Variants in GOLGA3 observed in about 807,000 individuals in gnomAD.
GOLGA3 encodes the protein golgin A3.
A neutral mutation model predicts 169.4 loss-of-function variants in GOLGA3; 75 were observed. The observed-to-expected ratio is 0.44, with a 90% CI of 0.37 to 0.54. The LOEUF is 0.54. GOLGA3 is among the 20% of genes least tolerant of loss of function. The pLI is 0.00. For missense variants in GOLGA3, 1,899 were observed against 1,930.0 expected, an observed-to-expected ratio of 0.98 and a Z score of 0.30; for synonymous variants, 824 against 822.4, an observed-to-expected ratio of 1.00 and a Z score of -0.03.
At chr12:132,822,409 G>A (rs912857920) in intron 1 of GOLGA3, 98 bp from the exon 2 acceptor site, 7 of 637,064 alleles carry the variant, frequency 1.1e-5, no homozygotes, top group Admixed American at 8.4e-5. Flanking sequence ...ATACGTACAA[G>A]AAACAAATAC....
intron 11 of GOLGA3, among the ~76,000 whole-genome samples, chr12:132,794,197 G>T (rs1200257628): frequency 1.3e-5 from 2 of 152,134 alleles, no homozygotes; most frequent in Non-Finnish European, 2.9e-5. Flanking sequence ...CGTGGATACT[G>T]CTGTGTCTAG....
rs202126460 is a variant in GOLGA3 at position 132,782,521 on chromosome 12, T to C, written c.3268-28A>G. 3.9e-6 allele frequency: 6 copies of C among 1,547,636 alleles called. No individual in the cohort carries two copies. The East Asian group carries it at 1.1e-4, about 29-fold the overall frequency. On this transcript the variant is annotated intron_variant, in intron 16 of 23. Transcript: ENST00000450791. Reference sequence around the variant, plus strand: ...GAAACATACCAATGTCACTGTAAAATTACCTGCACTGGTGAGTGGAGTTCA... The same window carrying C: ...GAAACATACCAATGTCACTGTAAAACTACCTGCACTGGTGAGTGGAGTTCA...
chr12:132,774,632 A>G, intron 22 of GOLGA3: 5 of 438,764 alleles, frequency 1.1e-5, no homozygotes, highest in Non-Finnish European at 2.0e-5. Context: ...TCAGATACTC[A>G]AGACCTTGAT....
chr12:132,790,138 T>G (rs544694075), intron 12 of GOLGA3, among the ~76,000 whole-genome samples: 1 of 151,972 alleles, frequency 6.6e-6, no homozygotes, highest in Admixed American at 6.6e-5. Context: ...GAGACCATCC[T>G]GGCTAACACG....
chr12:132,786,162 C>T (rs2045886386), intron 15 of GOLGA3, among the ~76,000 whole-genome samples, 177 bp downstream of exon 15: 1 of 151,690 alleles, frequency 6.6e-6, no homozygotes, highest in Non-Finnish European at 1.5e-5. Flanking sequence ...AGACGCGAGG[C>T]AATGCTCAGT....
In GOLGA3 at chr12:132,786,530, T is replaced by A. The variant is rs1198900104; in HGVS notation, c.2932A>T (p.Met978Leu). The change falls in exon 15 of 24, where the codon ATG (methionine) becomes TTG (leucine). Residue 978 changes from methionine (M) to leucine (L), a missense_variant. Coordinates refer to ENST00000450791, the MANE Select transcript of GOLGA3 (RefSeq NM_001389683.1). ...RKAITEQKQK[M>L]RRLGSDLTSA... ...GTCAAGTCTGAGCCCAGCCGCCTCA[T>A]CTTCTGCTTCTGTTCCGTGATGGCC... 1.9e-6 allele frequency: 3 copies of A among 1,613,544 alleles called. No homozygotes were observed. In the African/African-American group the frequency reaches 4.0e-5, roughly 22 times the overall value.
At chr12:132,792,489 A>G (rs1319630691) in intron 11 of GOLGA3, among the ~76,000 whole-genome samples, 1 of 152,216 alleles carries the variant, frequency 6.6e-6, no homozygotes, top group Non-Finnish European at 1.5e-5. Flanking sequence ...CTTGTCCTGC[A>G]AAGTCTGTTG....
At chr12:132,826,114 C>A in intron 1 of GOLGA3, 1 of 1,539,320 alleles carries the variant, frequency 6.5e-7, no homozygotes, top group Non-Finnish European at 9.0e-7. Context: ...GGCCTCTGAG[C>A]AAGACAGTGC....
In GOLGA3 at chr12:132,784,043, C is replaced by G. The variant is rs1418631884; in HGVS notation, c.3267+121G>C. Reference sequence around the variant, plus strand: ...GCCGACGGTCAGAAGGTGGCAACACCAAAAGTAGCAACGCTGGGCACACGG... The same window carrying G: ...GCCGACGGTCAGAAGGTGGCAACACGAAAAGTAGCAACGCTGGGCACACGG... On this transcript the variant is annotated intron_variant, in intron 16 of 23. Transcript: ENST00000450791. The G allele has an allele frequency of 2.6e-6, 4 of 1,537,676 alleles. No homozygotes were observed. In the Admixed American group the frequency reaches 7.8e-5, roughly 30 times the overall value.
At chr12:132,805,628 C>G (rs964411367) in intron 6 of GOLGA3, among the ~76,000 whole-genome samples, 1 of 151,400 alleles carries the variant, frequency 6.6e-6, no homozygotes, top group East Asian at 2.0e-4. Flanking sequence ...CAGAGGACCC[C>G]GAGACCCCCA....
rs201822285 is a variant in GOLGA3 at position 132,777,830 on chromosome 12, C to T, written c.3583-25G>A. ...CCTAGGAGGAAGGAAGCCACGTTGT[C>T]CATGCCCTGCGTGACACCCACAGCT... On this transcript the variant is annotated intron_variant, in intron 18 of 23. Coordinates refer to ENST00000450791, the MANE Select transcript of GOLGA3 (RefSeq NM_001389683.1). This position sits in a 1 kb window ranked among gnomAD's most constrained non-coding sequence, Gnocchi z 4.7. 19 of 1,611,862 alleles carry T rather than the reference C, an allele frequency of 1.2e-5. No individual in the cohort carries two copies. In the East Asian group the frequency reaches 4.2e-4, roughly 36 times the overall value.
At chr12:132,781,939 C>G (rs772490710) in intron 17 of GOLGA3, among the ~76,000 whole-genome samples, 5 of 152,050 alleles carry the variant, frequency 3.3e-5, no homozygotes, top group Admixed American at 3.3e-4. Context: ...CCCAACTAAG[C>G]AGGTCTGCCC....
chr12:132,775,080 C>G (rs947843187), intron 22 of GOLGA3, 61 bp downstream of exon 22: 1 of 1,460,006 alleles, frequency 6.8e-7, no homozygotes, highest in Non-Finnish European at 9.4e-7. Flanking sequence ...CTGCCAGCCT[C>G]CTGTCCGAGA....
chr12:132,799,050 T>C (rs1163744834), intron 8 of GOLGA3, among the ~76,000 whole-genome samples: 2 of 151,982 alleles, frequency 1.3e-5, no homozygotes, highest in Non-Finnish European at 2.9e-5. Flanking sequence ...GAAAAGGAGG[T>C]GTGAGGACAG....
chr12:132,778,354 C>A (rs2045361577), intron 18 of GOLGA3, among the ~76,000 whole-genome samples: 1 of 152,044 alleles, frequency 6.6e-6, no homozygotes, highest in Admixed American at 6.6e-5. Flanking sequence ...GCGGGTGGAT[C>A]ACGAGGTCAG....
chr12:132,821,888 A>G (rs1214132499), intron 2 of GOLGA3, 108 bp downstream of exon 2: 2 of 675,190 alleles, frequency 3.0e-6, no homozygotes, highest in Non-Finnish European at 4.9e-6. Flanking sequence ...CTTTGAATTA[A>G]GTGAAAAGCT....
Position 132,795,910 on chromosome 12 carries a change from T to G in GOLGA3, c.2411A>C (p.Glu804Ala). ...CTTCTCTAAAGTTTCCGACGTTTCC[T>G]CGGTACCTTCTTCCAAGCGTCTTGC... ...RGARRLEEGT[E>A]ETSETLEKLR... is the part of the protein sequence containing the mutation. Residue 804 changes from glutamate (E) to alanine (A), a missense_variant, in exon 11 of 24, where the codon GAG becomes GCG. Coordinates refer to ENST00000450791, the MANE Select transcript of GOLGA3 (RefSeq NM_001389683.1). 5 of 1,614,176 alleles carry G rather than the reference T, an allele frequency of 3.1e-6. No homozygotes were observed. The highest frequency in any genetic ancestry group is 4.2e-6 in the Non-Finnish European group (5 of 1,180,022).
intron 4 of GOLGA3, among the ~76,000 whole-genome samples, chr12:132,811,454 ACT>A (rs1358349591): frequency 6.7e-6 from 1 of 150,020 alleles, no homozygotes; most frequent in African/African-American, 2.5e-5. Flanking sequence ...TGCTAGGATA[ACT>A]CTTCATTTTT....
At chr12:132,820,320 T>A (rs930141820) in intron 2 of GOLGA3, among the ~76,000 whole-genome samples, 11 of 152,192 alleles carry the variant, frequency 7.2e-5, no homozygotes, top group African/African-American at 2.7e-4. Context: ...GCCTGCTCAA[T>A]GGAGCAACAC....
Sources: gnomAD v4.1 joint callset for allele counts (sites outside exome capture counted in the v4.1 genomes callset) on GRCh38, gnomAD v4.1.1 for gene constraint, Gnocchi (gnomAD v3.1) non-coding constraint, MANE v1.5 for transcripts, NCBI Gene and HGNC (gene_info 2026-07-23, HGNC 2026-07-21) for gene names.